Variants in MAPRE2 observed in about 807,000 individuals in gnomAD.
MAPRE2 encodes the protein microtubule associated protein RP/EB family member 2.
MAPRE2 carries 13 observed loss-of-function variants against 43.2 expected under a neutral mutation model. That is an observed-to-expected ratio of 0.30 (90% CI 0.20 to 0.48). MAPRE2 has a LOEUF of 0.48. Ranked by LOEUF, MAPRE2 falls within the 20% of genes least tolerant of loss-of-function variation. The probability of loss-of-function intolerance (pLI) is 0.99; values close to 1 mark genes in which losing one functional copy is unlikely to be tolerated. For missense variants in MAPRE2, 161 were observed against 400.2 expected (o/e 0.40, Z 5.10); for synonymous variants, 135 against 148.8 (o/e 0.91, Z 0.68).
rs1420061609 is a variant in MAPRE2 at position 35,082,244 on chromosome 18, T to C, written c.250+11922T>C. The C allele has an allele frequency of 1.4e-4, 10 of 69,112 alleles. 2 individuals are homozygous for C. Among genetic ancestry groups the C allele is most frequent in the African/African-American group, 9.2e-4 (4 of 4,362 alleles). The allele number at this position is 69,112 out of a possible 1,614,324, so 4.3% of individuals were successfully genotyped here. ...GGCGGAGCTTGCAGTGAGCCGAGATTGCGCCACTGCACTCCAGCCTGGGCG... is the reference window on the plus strand; with the variant it reads ...GGCGGAGCTTGCAGTGAGCCGAGATCGCGCCACTGCACTCCAGCCTGGGCG... On this transcript the variant is annotated intron_variant, in intron 2 of 6. Coordinates refer to ENST00000300249, the MANE Select transcript of MAPRE2 (RefSeq NM_014268.4).
intron 2 of MAPRE2, among the ~76,000 whole-genome samples, chr18:35,034,261 G>A (rs975914080): frequency 5.3e-5 from 8 of 152,172 alleles, no homozygotes; most frequent in Admixed American, 3.9e-4. Context: ...AAGCAATGGG[G>A]AAAGGATACC....
At chr18:35,098,761 CAT>C (rs1354549727) in intron 3 of MAPRE2, among the ~76,000 whole-genome samples, 1 of 152,298 alleles carries the variant, frequency 6.6e-6, no homozygotes, top group African/African-American at 2.4e-5. Context: ...AACACCTTTT[CAT>C]ATGTTTATTG....
chr18:35,110,716 G>T (rs1282086267), intron 4 of MAPRE2, among the ~76,000 whole-genome samples: 1 of 152,080 alleles, frequency 6.6e-6, no homozygotes, highest in African/African-American at 2.4e-5. Flanking sequence ...ACTTGATAAA[G>T]GATTCAAGCT....
intron 6 of MAPRE2, among the ~76,000 whole-genome samples, chr18:35,135,480 A>G (rs1295943584): frequency 1.3e-5 from 2 of 152,066 alleles, no homozygotes; most frequent in Non-Finnish European, 2.9e-5. Flanking sequence ...AGAATATGGA[A>G]TCTGGTTTCT....
intron 1 of MAPRE2, among the ~76,000 whole-genome samples, chr18:35,063,270 ATTTT>A (rs542523611): frequency 1.3e-5 from 2 of 149,154 alleles, no homozygotes; most frequent in East Asian, 2.0e-4. Context: ...CGCCTGGCTA[ATTTT>A]TTTTTTGTAT....
chr18:35,039,552 T>C (rs2097052470), upstream of MAPRE2, among the ~76,000 whole-genome samples: 1 of 152,178 alleles, frequency 6.6e-6, no homozygotes, highest in South Asian at 2.1e-4. Context: ...ATAAAATTAT[T>C]AAAATAATAG....
At chr18:34,981,402 G>A (rs761828262) in intron 1 of MAPRE2, among the ~76,000 whole-genome samples, 9 of 151,730 alleles carry the variant, frequency 5.9e-5, no homozygotes, top group Admixed American at 1.3e-4. Flanking sequence ...AGACTAATCG[G>A]ATTACTCCAT....
intron 5 of MAPRE2, 39 bp from the exon 6 acceptor site, chr18:35,131,993 T>C: frequency 6.2e-7 from 1 of 1,601,326 alleles, no homozygotes; most frequent in Non-Finnish European, 8.5e-7. Flanking sequence ...TATACTATAT[T>C]TTGGGTGGTT....
At chr18:35,016,229 C>G (rs536212267) in intron 2 of MAPRE2, among the ~76,000 whole-genome samples, 4 of 152,044 alleles carry the variant, frequency 2.6e-5, no homozygotes, top group African/African-American at 9.6e-5. Context: ...GATTCCACAT[C>G]TTCACTATTG....
chr18:35,003,236 T>C (rs924566283), intron 1 of MAPRE2, among the ~76,000 whole-genome samples: 2 of 152,164 alleles, frequency 1.3e-5, no homozygotes, highest in Non-Finnish European at 2.9e-5. Flanking sequence ...TGCTAGGTCC[T>C]GAACTTATGA....
chr18:35,081,729 A>C (rs1311827825), intron 2 of MAPRE2, among the ~76,000 whole-genome samples: 5 of 152,062 alleles, frequency 3.3e-5, no homozygotes, highest in Non-Finnish European at 7.4e-5. Flanking sequence ...AGGGATAGTG[A>C]CCTCAGCCTC....
At chr18:35,117,676 G>T (rs1271654856) in intron 4 of MAPRE2, among the ~76,000 whole-genome samples, 1 of 152,050 alleles carries the variant, frequency 6.6e-6, no homozygotes, top group Non-Finnish European at 1.5e-5. Flanking sequence ...AATTATTGTT[G>T]GGATGTGGTG....
chr18:35,089,843 T>C (rs911690159), intron 2 of MAPRE2, among the ~76,000 whole-genome samples: 1 of 152,202 alleles, frequency 6.6e-6, no homozygotes, highest in Admixed American at 6.5e-5. Context: ...CACAACTGTT[T>C]GTAGCATCAT....
chr18:35,003,206 C>T (rs551738982), intron 1 of MAPRE2, among the ~76,000 whole-genome samples: 1 of 152,172 alleles, frequency 6.6e-6, no homozygotes, highest in Non-Finnish European at 1.5e-5. Flanking sequence ...AAGGCTGGGA[C>T]TTCTTGAGCA....
intron 1 of MAPRE2, among the ~76,000 whole-genome samples, chr18:35,055,567 G>GTGTGTGTGTGTGTGTGTA (rs1555914083): frequency 7.3e-5 from 11 of 150,480 alleles, no homozygotes; most frequent in African/African-American, 2.7e-4. Flanking sequence ...GTGTGTGTAT[G>GTGTGTGTGTGTGTGTGTA]TGTGTGTGTG....
intron 1 of MAPRE2, among the ~76,000 whole-genome samples, chr18:35,003,312 G>A (rs1392379592): frequency 6.6e-6 from 1 of 152,206 alleles, no homozygotes; most frequent in Non-Finnish European, 1.5e-5. Context: ...AGGTATTTTA[G>A]TGTGGACATA....
upstream of MAPRE2, among the ~76,000 whole-genome samples, chr18:35,038,878 G>C (rs1467790982): frequency 6.6e-6 from 1 of 152,204 alleles, no homozygotes; most frequent in African/African-American, 2.4e-5. Flanking sequence ...GTGTGGCTCA[G>C]AGCAGTCTTA....
chr18:35,063,173 G>A (rs1048271397), intron 1 of MAPRE2, among the ~76,000 whole-genome samples: 2 of 151,852 alleles, frequency 1.3e-5, no homozygotes, highest in African/African-American at 2.4e-5. Context: ...GCGCGATCTC[G>A]GCTCACTGCA....
intron 1 of MAPRE2, among the ~76,000 whole-genome samples, chr18:35,066,078 T>A (rs1906825638): frequency 6.6e-6 from 1 of 152,236 alleles, no homozygotes; most frequent in Admixed American, 6.5e-5. Flanking sequence ...AGTGAGTTGC[T>A]CCTTGTTCTG....
Sources: allele counts gnomAD v4.1 joint callset (sites outside exome capture counted in the v4.1 genomes callset), GRCh38; gene constraint gnomAD v4.1.1; transcripts MANE v1.5; gene names NCBI Gene and HGNC (gene_info 2026-07-23, HGNC 2026-07-21).